GGTA1: variants seen among roughly 807,000 people sequenced by gnomAD.
GGTA1 encodes the protein glycoprotein alpha-galactosyltransferase 1 (inactive), also known as inactive N-acetyllactosaminide alpha-1,3-galactosyltransferase.
Under a neutral mutation model 2.6 loss-of-function variants are expected in GGTA1, and 5 were observed. That is an observed-to-expected ratio of 1.92 (90% CI 1.00 to 4.04). The LOEUF is 4.04. GGTA1 is among the 30% of genes most tolerant of loss of function. The pLI, the probability that GGTA1 is intolerant of heterozygous loss-of-function variation, is 0.00. For synonymous variants in GGTA1, 17 were observed against 5.0 expected (o/e 3.38, Z -3.19); for missense variants, 50 against 16.7 (o/e 2.99, Z -3.47).
At chr9:121,464,497 T>C (rs150942298) in intron 2 of GGTA1, among the ~76,000 whole-genome samples, 3,563 of 152,130 alleles carry the variant, frequency 0.023, 138 homozygotes, top group African/African-American at 0.081. Flanking sequence ...TGGCTAATTT[T>C]TGTATTTTTA....
intron 5 of GGTA1, among the ~76,000 whole-genome samples, chr9:121,456,524 T>G (rs1393616678): frequency 6.6e-6 from 1 of 152,108 alleles, no homozygotes; most frequent in African/African-American, 2.4e-5. Flanking sequence ...TTCAAGTGAT[T>G]CTCCTGCCTC....
In GGTA1 at chr9:121,493,377, T is replaced by A. The variant is rs1247313688; in HGVS notation, c.-10+6273A>T. Among the ~76,000 whole-genome samples, 6 of 152,250 alleles carry A rather than the reference T, an allele frequency of 3.9e-5. No individual in the cohort carries two copies. The East Asian group carries it at 9.7e-4, about 25-fold the overall frequency. On this transcript the variant is annotated intron_variant, in intron 1 of 5. Transcript: ENST00000481799. Reference sequence around the variant, plus strand: ...GTTTGGCTTCAGGACCCGGCTTTCATGCCTCAGTTCTGCTACTTAATTTTT... The same window carrying A: ...GTTTGGCTTCAGGACCCGGCTTTCAAGCCTCAGTTCTGCTACTTAATTTTT...
intron 1 of GGTA1, among the ~76,000 whole-genome samples, chr9:121,488,752 C>CA (rs1223829449): frequency 6.7e-6 from 1 of 148,736 alleles, no homozygotes; most frequent in Non-Finnish European, 1.5e-5. Flanking sequence ...TCTCAAAAAG[C>CA]AAAAAAATTA....
At chr9:121,449,086 T>A (rs1013984604) in intron 7 of GGTA1, among the ~76,000 whole-genome samples, 2 of 152,256 alleles carry the variant, frequency 1.3e-5, no homozygotes, top group African/African-American at 4.8e-5. Flanking sequence ...TCAGTGTGGC[T>A]TCTTTTACTT....
At chr9:121,483,896 A>C (rs1828703409) in intron 1 of GGTA1, among the ~76,000 whole-genome samples, 1 of 152,212 alleles carries the variant, frequency 6.6e-6, no homozygotes, top group Non-Finnish European at 1.5e-5. Flanking sequence ...AGTTGTTGCT[A>C]TTCATTTAAT....
intron 1 of GGTA1, among the ~76,000 whole-genome samples, chr9:121,478,753 G>A (rs762586458): frequency 6.6e-6 from 1 of 152,318 alleles, no homozygotes; most frequent in African/African-American, 2.4e-5. Flanking sequence ...CCTGTTCTCT[G>A]AAGTATATCT....
At chr9:121,495,908 C>T (rs1828982363) in intron 1 of GGTA1, among the ~76,000 whole-genome samples, 1 of 152,172 alleles carries the variant, frequency 6.6e-6, no homozygotes, top group African/African-American at 2.4e-5. Flanking sequence ...GCCCATTGGG[C>T]AGTTAAACAT....
rs556602142 is a variant in GGTA1 at position 121,479,210 on chromosome 9, C to T, written c.-9-11279G>A. The T allele has an allele frequency of 3.5e-5, 15 of 430,112 alleles. No homozygotes were observed. In the East Asian group the frequency reaches 1.0e-3, roughly 29 times the overall value. 26.6% of individuals were successfully genotyped at this position (430,112 alleles called of 1,614,324 possible). A position where few individuals can be genotyped will look rare whatever the true frequency, so the allele number is the denominator to read the frequency against. ...CCAGCATGGCAGAAGCAAATCATTT[C>T]ACCATCTCACATACCTCCTGCCGCT... On this transcript the variant is annotated intron_variant, in intron 1 of 5. Transcript: ENST00000481799.
chr9:121,499,192 C>A (rs918781377), intron 1 of GGTA1, among the ~76,000 whole-genome samples: 2 of 152,188 alleles, frequency 1.3e-5, no homozygotes, highest in East Asian at 3.9e-4. Context: ...TTTATCCCCC[C>A]ACTCCCAGAT....
intron 1 of GGTA1, among the ~76,000 whole-genome samples, chr9:121,483,248 G>A (rs1018288097): frequency 6.6e-6 from 1 of 152,112 alleles, no homozygotes; most frequent in Non-Finnish European, 1.5e-5. Flanking sequence ...TGACTCATTC[G>A]AGGTCACCAG....
chr9:121,486,061 C>T (rs1258984198), intron 1 of GGTA1, among the ~76,000 whole-genome samples: 2 of 152,204 alleles, frequency 1.3e-5, no homozygotes. Flanking sequence ...CTTCTAGGCT[C>T]TTTTCCCCTC....
chr9:121,466,531 T>G (rs1300468033), intron 2 of GGTA1, among the ~76,000 whole-genome samples: 1 of 152,210 alleles, frequency 6.6e-6, no homozygotes, highest in East Asian at 1.9e-4. Context: ...TGGTTACATC[T>G]GTGCAGCACC....
Position 121,467,883 on chromosome 9 carries a change from C to A in GGTA1, c.40G>T (p.Val14Phe), listed in dbSNP as rs2065016024. 4.4e-6 allele frequency: 2 copies of A among 456,224 alleles called. No homozygotes were observed. The highest frequency in any genetic ancestry group is 4.7e-5 in the Admixed American group (2 of 42,496). The allele number at this position is 456,224 out of a possible 1,614,324, so 28.3% of individuals were successfully genotyped here. The change falls in exon 2 of 6, where the codon GTC becomes TTC. Residue 14 changes from valine (V) to phenylalanine (F), a missense_variant. Coordinates refer to ENST00000481799, the MANE Select transcript of GGTA1 (RefSeq NM_001382585.1). The part of the protein sequence containing the change: ...KGKVILSMLV[V>F]STVIIVFWEF... ...CAAAACACAATGATCACAGTTGAGACAACCAGCATTGACAGAATTACTTTT... is the reference window on the plus strand; with the variant it reads ...CAAAACACAATGATCACAGTTGAGAAAACCAGCATTGACAGAATTACTTTT...
chr9:121,449,268 G>A (rs1264156864), intron 7 of GGTA1, among the ~76,000 whole-genome samples: 1 of 152,190 alleles, frequency 6.6e-6, no homozygotes, highest in East Asian at 1.9e-4. Flanking sequence ...CCATGTGCAG[G>A]TTTTTTTGTA....
chr9:121,465,845 C>A (rs1450071003), intron 2 of GGTA1, among the ~76,000 whole-genome samples: 1 of 152,168 alleles, frequency 6.6e-6, no homozygotes, highest in Non-Finnish European at 1.5e-5. Context: ...GCATTGCTTC[C>A]CAGTGCTTTA....
chr9:121,492,598 C>T (rs1828892868), intron 1 of GGTA1, among the ~76,000 whole-genome samples: 1 of 152,122 alleles, frequency 6.6e-6, no homozygotes, highest in Non-Finnish European at 1.5e-5. Context: ...CTCAGCCTCC[C>T]TCATAGCTGG....
chr9:121,461,081 A>G (rs956691704), intron 4 of GGTA1, among the ~76,000 whole-genome samples, 171 bp downstream of exon 4: 2 of 152,220 alleles, frequency 1.3e-5, no homozygotes, highest in Non-Finnish European at 2.9e-5. Context: ...TCTCAAAAAC[A>G]AAACCAACCC....
chr9:121,498,003 C>T (rs1829028057), intron 1 of GGTA1, among the ~76,000 whole-genome samples: 1 of 152,240 alleles, frequency 6.6e-6, no homozygotes, highest in African/African-American at 2.4e-5. Flanking sequence ...GCCCAAATCA[C>T]GTTGCACACT....
chr9:121,460,801 C>T (rs569285467), intron 4 of GGTA1, among the ~76,000 whole-genome samples: 24 of 152,144 alleles, frequency 1.6e-4, no homozygotes, highest in Middle Eastern at 3.4e-3. Flanking sequence ...GCCGAGACCA[C>T]GCCACTGCAC....
Sources: allele counts gnomAD v4.1 joint callset (sites outside exome capture counted in the v4.1 genomes callset), GRCh38; gene constraint gnomAD v4.1.1; transcripts MANE v1.5; gene names NCBI Gene and HGNC (gene_info 2026-07-23, HGNC 2026-07-21).